ATP2B2: variants seen among roughly 807,000 people sequenced by gnomAD.
The protein encoded by ATP2B2 is plasma membrane calcium-transporting ATPase 2.
Under a neutral mutation model 120.0 loss-of-function variants are expected in ATP2B2, and 15 were observed. That is an observed-to-expected ratio of 0.12 (90% confidence interval 0.08 to 0.19). ATP2B2 has a LOEUF of 0.19. Ranked by LOEUF, ATP2B2 falls within the 10% of genes least tolerant of loss-of-function variation. ATP2B2 has a pLI of 1.00. For missense variants in ATP2B2, 1,045 were observed against 1,719.8 expected (o/e 0.61, Z 6.94); for synonymous variants, 694 against 700.3 (o/e 0.99, Z 0.14).
At chr3:10,486,481 T>C (rs767855763) in intron 1 of ATP2B2, among the ~76,000 whole-genome samples, 48 of 152,074 alleles carry the variant, frequency 3.2e-4, no homozygotes, top group Non-Finnish European at 3.4e-4. Flanking sequence ...CTCTCTCCCC[T>C]TCACACATTT....
At chr3:10,503,863 G>A (rs917898844) in intron 1 of ATP2B2, among the ~76,000 whole-genome samples, 6 of 152,236 alleles carry the variant, frequency 3.9e-5, no homozygotes, top group Non-Finnish European at 7.3e-5. Flanking sequence ...AGTGCTACAT[G>A]CATGTGTGGG....
At chr3:10,630,587 G>A (rs370909768) in intron 1 of ATP2B2, among the ~76,000 whole-genome samples, 1 of 152,086 alleles carries the variant, frequency 6.6e-6, no homozygotes, top group African/African-American at 2.4e-5. Flanking sequence ...GGGCATTTAG[G>A]TTGATTCCAT....
chr3:10,688,901 A>G (rs887457421), intron 1 of ATP2B2, among the ~76,000 whole-genome samples: 1 of 152,024 alleles, frequency 6.6e-6, no homozygotes, highest in African/African-American at 2.4e-5. Flanking sequence ...AAGTGAAGCA[A>G]TCACCAGGCT....
At chr3:10,362,004 C>A (rs1166542261) in intron 12 of ATP2B2, among the ~76,000 whole-genome samples, 1 of 152,116 alleles carries the variant, frequency 6.6e-6, no homozygotes, top group Non-Finnish European at 1.5e-5. Context: ...CCATGTGCAC[C>A]CCCCAACCCC....
At chr3:10,564,754 G>T (rs1482671041) in intron 2 of ATP2B2, among the ~76,000 whole-genome samples, 1 of 152,176 alleles carries the variant, frequency 6.6e-6, no homozygotes, top group African/African-American at 2.4e-5. Context: ...TCTGCCAGCT[G>T]TGTGCTGCCA....
intron 2 of ATP2B2, among the ~76,000 whole-genome samples, chr3:10,412,116 C>T (rs1167866720): frequency 6.6e-6 from 1 of 152,246 alleles, no homozygotes; most frequent in African/African-American, 2.4e-5. Context: ...CAGAGCCAGG[C>T]CAGCACTTTG....
chr3:10,488,904 G>A (rs1320683210), intron 1 of ATP2B2, among the ~76,000 whole-genome samples: 1 of 152,042 alleles, frequency 6.6e-6, no homozygotes, highest in Non-Finnish European at 1.5e-5. Flanking sequence ...GGCTCCTGTT[G>A]CTCCTGTCAT....
chr3:10,692,378 T>C (rs1451343968), intron 1 of ATP2B2, among the ~76,000 whole-genome samples: 2 of 152,156 alleles, frequency 1.3e-5, no homozygotes, highest in African/African-American at 4.8e-5. Flanking sequence ...TGCAGACAAG[T>C]CATCTGGCCT....
Position 10,351,570 on chromosome 3 carries a change from T to G in ATP2B2, c.2137-993A>C, listed in dbSNP as rs2060579035. 2.0e-5 allele frequency among the ~76,000 whole-genome samples: 3 copies of G among 152,208 alleles called. No individual in the cohort carries two copies. The South Asian group carries it at 6.2e-4, about 32-fold the overall frequency. ...CTCCAGCATCCACCTGCCAAGCCACTGCTGAGGGAGTTGGAAGACTATGGA... is the reference window on the plus strand; with the variant it reads ...CTCCAGCATCCACCTGCCAAGCCACGGCTGAGGGAGTTGGAAGACTATGGA... On this transcript the variant is annotated intron_variant, in intron 14 of 22. Transcript: ENST00000360273.
intron 1 of ATP2B2, among the ~76,000 whole-genome samples, chr3:10,664,724 A>G (rs1423529347): frequency 1.3e-5 from 2 of 152,330 alleles, no homozygotes; most frequent in African/African-American, 4.8e-5. Context: ...TGGAAACACA[A>G]GAGCAAGGTA....
chr3:10,486,417 A>G (rs891009835), intron 1 of ATP2B2, among the ~76,000 whole-genome samples: 1 of 151,716 alleles, frequency 6.6e-6, no homozygotes, highest in African/African-American at 2.4e-5. Context: ...CCACAGGGTG[A>G]TCTACAAAGC....
At chr3:10,580,415 G>A (rs1317482610) in intron 2 of ATP2B2, among the ~76,000 whole-genome samples, 1 of 152,144 alleles carries the variant, frequency 6.6e-6, no homozygotes, top group Non-Finnish European at 1.5e-5. Context: ...AACAGTGTGT[G>A]GCATAGAGCA....
At chr3:10,610,725 C>T (rs1179050637) in intron 2 of ATP2B2, among the ~76,000 whole-genome samples, 2 of 152,186 alleles carry the variant, frequency 1.3e-5, no homozygotes, top group Non-Finnish European at 2.9e-5. Flanking sequence ...CTTTTCCCCT[C>T]CCTTCATATC....
chr3:10,342,087 T>G lies in ATP2B2; in HGVS notation c.2917+665A>C, dbSNP rs1384675799. ...ATCTGTGACCTGGGGATAGGCTTTGTTGGGATTGCCTCCGAAGCATCTGTG... is the reference window on the plus strand; with the variant it reads ...ATCTGTGACCTGGGGATAGGCTTTGGTGGGATTGCCTCCGAAGCATCTGTG... On this transcript the variant is annotated intron_variant, in intron 19 of 22. Transcript: ENST00000360273. This position sits in a 1 kb window ranked among gnomAD's most constrained non-coding sequence, Gnocchi z 4.4. 6.6e-6 allele frequency among the ~76,000 whole-genome samples: 1 copy of G among 152,182 alleles called. No homozygotes were observed. The highest frequency in any genetic ancestry group is 2.4e-5 in the African/African-American group (1 of 41,452).
intron 1 of ATP2B2, among the ~76,000 whole-genome samples, chr3:10,470,221 A>G (rs1186347932): frequency 1.3e-5 from 2 of 152,160 alleles, no homozygotes; most frequent in Admixed American, 6.5e-5. Flanking sequence ...TATAGCTGCT[A>G]CCTTCAGGAC....
intron 1 of ATP2B2, among the ~76,000 whole-genome samples, chr3:10,682,623 A>G (rs944132093): frequency 6.6e-6 from 1 of 152,212 alleles, no homozygotes; most frequent in Non-Finnish European, 1.5e-5. Context: ...ATTTAGGGGT[A>G]CGTTTCCTGT....
At chr3:10,534,849 A>T (rs1461887761) in intron 2 of ATP2B2, among the ~76,000 whole-genome samples, 1 of 148,694 alleles carries the variant, frequency 6.7e-6, no homozygotes, top group South Asian at 2.1e-4. Context: ...AGGGCTCCCT[A>T]TCAGCTTCCT....
intron 1 of ATP2B2, among the ~76,000 whole-genome samples, chr3:10,469,101 A>G (rs749079321): frequency 6.6e-6 from 1 of 152,234 alleles, no homozygotes; most frequent in African/African-American, 2.4e-5. Context: ...TGCAGTGTGG[A>G]TGGAGAGGAA....
At chr3:10,671,399 C>T (rs929396600) in intron 1 of ATP2B2, among the ~76,000 whole-genome samples, 4 of 152,124 alleles carry the variant, frequency 2.6e-5, no homozygotes, top group African/African-American at 9.7e-5. Context: ...TCCACATGCA[C>T]ACAGATCATG....
Sources: gnomAD v4.1 joint callset for allele counts (sites outside exome capture counted in the v4.1 genomes callset) on GRCh38, gnomAD v4.1.1 for gene constraint, Gnocchi (gnomAD v3.1) non-coding constraint, MANE v1.5 for transcripts, NCBI Gene and HGNC (gene_info 2026-07-23, HGNC 2026-07-21) for gene names.